SENP5: variants seen among roughly 807,000 people sequenced by gnomAD.
SENP5 encodes sentrin-specific protease 5.
A neutral mutation model predicts 74.2 loss-of-function variants in SENP5; 21 were observed. The observed-to-expected ratio is 0.28, with a 90% confidence interval of 0.20 to 0.41. SENP5 has a LOEUF of 0.41. Ranked by LOEUF, SENP5 falls within the 10% of genes least tolerant of loss-of-function variation. The probability of loss-of-function intolerance (pLI) is 1.00; values close to 1 mark genes in which losing one functional copy is unlikely to be tolerated. For missense variants in SENP5, 717 were observed against 889.1 expected (o/e 0.81, Z 2.46); for synonymous variants, 311 against 312.7 (o/e 0.99, Z 0.06).
At position 196,930,916 on chromosome 3, in the gene SENP5, T is replaced by A; in HGVS notation, c.2261T>A (p.Met754Lys). The A allele has an allele frequency of 6.2e-7, 1 of 1,609,118 alleles. No homozygotes were observed. The highest frequency in any genetic ancestry group is 8.5e-7 in the Non-Finnish European group (1 of 1,175,422). Reference sequence around the variant, plus strand: ...AAGGAGCTATGTGAGTGCCGGCTCATGGACTGAAACTCAGCAGGGACTCTG... The same window carrying A: ...AAGGAGCTATGTGAGTGCCGGCTCAAGGACTGAAACTCAGCAGGGACTCTG... ...IYKELCECRL[M>K]D Residue 754 changes from methionine to lysine, a missense_variant, in exon 10 of 10, where the codon ATG becomes AAG. By Grantham distance (95) the Met-to-Lys change is moderately conservative. Coordinates refer to ENST00000323460, the MANE Select transcript of SENP5 (RefSeq NM_152699.5).
intron 1 of SENP5, among the ~76,000 whole-genome samples, chr3:196,880,638 CTTTTTTT>C (rs56188124): frequency 9.8e-6 from 1 of 101,962 alleles, no homozygotes. Flanking sequence ...GCCAGTTATT[CTTTTTTT>C]TTTTTTTTTT....
chr3:196,868,529 G>A (rs1423180648), intron 1 of SENP5, among the ~76,000 whole-genome samples: 1 of 152,186 alleles, frequency 6.6e-6, no homozygotes, highest in Non-Finnish European at 1.5e-5. Context: ...AGCGCGGTGG[G>A]AGACGTCTTT....
At chr3:196,889,952 T>TG (rs1450033862) in intron 2 of SENP5, among the ~76,000 whole-genome samples, 1 of 152,078 alleles carries the variant, frequency 6.6e-6, no homozygotes, top group East Asian at 1.9e-4. Flanking sequence ...AAAGAACAAA[T>TG]CTGTTATCAA....
intron 1 of SENP5, among the ~76,000 whole-genome samples, chr3:196,879,291 A>G (rs568337708): frequency 6.6e-6 from 1 of 152,354 alleles, no homozygotes; most frequent in East Asian, 1.9e-4. Flanking sequence ...TGTAAATGGT[A>G]GTCATAGTTA....
chr3:196,899,818 G>A (rs9842002), intron 3 of SENP5, 47 bp downstream of exon 3: 414,880 of 1,554,958 alleles, frequency 0.27, 60,595 homozygotes, highest in South Asian at 0.38. Context: ...AAAATTTTTG[G>A]CATATATGAC....
In SENP5 at chr3:196,868,877, C is replaced by T. The variant is rs200350650; in HGVS notation, c.-32+804C>T. On this transcript the variant is annotated intron_variant, in intron 1 of 9. Coordinates refer to ENST00000323460, the MANE Select transcript of SENP5 (RefSeq NM_152699.5). ...CAGGACACTTCATGATAGGTTCCTA[C>T]TTATGTTTTTTTTTTGCATTTTGCC... Among the ~76,000 whole-genome samples the T allele has an allele frequency of 7.3e-5, 3 of 40,846 alleles. No individual in the cohort carries two copies. In the South Asian group the frequency reaches 1.7e-3, roughly 23 times the overall value. 26.8% of individuals were successfully genotyped at this position (40,846 alleles called of 152,430 possible).
At chr3:196,895,235 A>AGG (rs1477629072) in intron 2 of SENP5, among the ~76,000 whole-genome samples, 1 of 139,664 alleles carries the variant, frequency 7.2e-6, no homozygotes, top group Non-Finnish European at 1.5e-5. Context: ...TCTGTCACCC[A>AGG]GGCTGGAGTG....
intron 6 of SENP5, among the ~76,000 whole-genome samples, chr3:196,922,586 C>T (rs1394020770): frequency 1.3e-5 from 2 of 152,086 alleles, no homozygotes; most frequent in East Asian, 3.9e-4. Context: ...GTAGCTGGGA[C>T]TGCAGGCATG....
chr3:196,879,289 G>A (rs1271984199), intron 1 of SENP5, among the ~76,000 whole-genome samples: 1 of 152,180 alleles, frequency 6.6e-6, no homozygotes, highest in Non-Finnish European at 1.5e-5. Context: ...TATGTAAATG[G>A]TAGTCATAGT....
intron 6 of SENP5, among the ~76,000 whole-genome samples, chr3:196,914,825 G>C (rs1372054818): frequency 6.6e-6 from 1 of 151,722 alleles, no homozygotes; most frequent in Non-Finnish European, 1.5e-5. Context: ...AGCATCTCAA[G>C]GAAAGAGGCA....
intron 7 of SENP5, among the ~76,000 whole-genome samples, chr3:196,927,308 T>C (rs1022698988): frequency 6.6e-6 from 1 of 152,222 alleles, no homozygotes; most frequent in Admixed American, 6.5e-5. Flanking sequence ...GACTTGCCAG[T>C]ATGTAAGTTT....
intron 1 of SENP5, among the ~76,000 whole-genome samples, chr3:196,872,308 G>A (rs1166508825): frequency 6.6e-6 from 1 of 152,196 alleles, no homozygotes; most frequent in East Asian, 1.9e-4. Context: ...GGAAACGCAT[G>A]TGAAGTTTGC....
At chr3:196,918,389 C>G (rs1285233079) in intron 6 of SENP5, among the ~76,000 whole-genome samples, 1 of 108,486 alleles carries the variant, frequency 9.2e-6, no homozygotes, top group Non-Finnish European at 2.0e-5. Flanking sequence ...TTTTCGTTTT[C>G]TCTTGACTTT....
At chr3:196,909,777 T>C (rs1397229355) in intron 6 of SENP5, among the ~76,000 whole-genome samples, 4 of 152,130 alleles carry the variant, frequency 2.6e-5, no homozygotes, top group Non-Finnish European at 5.9e-5. Context: ...TAAGAGCTAT[T>C]TATGACAAAC....
rs140650446 is a variant in SENP5, at chr3:196,885,949, G to C, written c.768G>C (p.Lys256Asn). 27 of 1,614,096 alleles carry C rather than the reference G, an allele frequency of 1.7e-5. No individual in the cohort carries two copies. The highest frequency in any genetic ancestry group is 3.3e-5 in the Admixed American group (2 of 59,996). ...CCCAGCACTTCAGAACCAAAAGCAA[G>C]GTTTGCAAGCTAAGAAAAGCCCAGC... is the stretch of plus-strand genomic sequence containing the variant. ...LRSQHFRTKS[K>N]VCKLRKAQRS... The change falls in exon 2 of 10, where the codon AAG becomes AAC. Residue 256 changes from lysine to asparagine, a missense_variant. Coordinates refer to ENST00000323460, the MANE Select transcript of SENP5 (RefSeq NM_152699.5).
intron 1 of SENP5, among the ~76,000 whole-genome samples, chr3:196,874,995 G>C (rs1713393149): frequency 6.6e-6 from 1 of 152,136 alleles, no homozygotes; most frequent in South Asian, 2.1e-4. Context: ...GTTACTCTAA[G>C]CTGAAAACTG....
intron 6 of SENP5, among the ~76,000 whole-genome samples, chr3:196,908,550 G>T (rs770351603): frequency 6.6e-6 from 1 of 152,160 alleles, no homozygotes; most frequent in Non-Finnish European, 1.5e-5. Context: ...GCGGCTGGGC[G>T]TGGTGACTCA....
chr3:196,907,768 A>C (rs1714963129), intron 6 of SENP5, among the ~76,000 whole-genome samples: 2 of 152,244 alleles, frequency 1.3e-5, no homozygotes, highest in African/African-American at 4.8e-5. Context: ...AATTGCAAAA[A>C]AGATCTCATA....
intron 2 of SENP5, among the ~76,000 whole-genome samples, chr3:196,890,317 C>T (rs1714147944): frequency 6.6e-6 from 1 of 152,198 alleles, no homozygotes; most frequent in African/African-American, 2.4e-5. Flanking sequence ...ACAACATTAG[C>T]CACTATTGAG....
Sources: gnomAD v4.1 joint callset for allele counts (sites outside exome capture counted in the v4.1 genomes callset) on GRCh38, gnomAD v4.1.1 for gene constraint, MANE v1.5 for transcripts, NCBI Gene and HGNC (gene_info 2026-07-23, HGNC 2026-07-21) for gene names.